Variants in ATP9B observed in about 807,000 individuals in gnomAD.
ATP9B encodes the protein probable phospholipid-transporting ATPase IIB.
A neutral mutation model predicts 146.1 loss-of-function variants in ATP9B; 110 were observed. The ratio of observed to expected loss-of-function variants is 0.75; its 90% CI spans 0.65 to 0.88. The LOEUF (loss-of-function observed/expected upper bound fraction) is 0.88, where lower values mean the gene tolerates loss of function less well. ATP9B is among the 40% of genes least tolerant of loss of function. ATP9B has a pLI of 0.00. For synonymous variants in ATP9B, 604 were observed against 569.7 expected (o/e 1.06, Z -0.86); for missense variants, 1,499 against 1,496.4 (o/e 1.00, Z -0.03).
chr18:79,178,412 T>G (rs12327004), intron 8 of ATP9B, among the ~76,000 whole-genome samples: 4,534 of 152,224 alleles, frequency 0.03, 237 homozygotes, highest in African/African-American at 0.1. Context: ...TTTTGTGTGC[T>G]TGTTTGCCAT....
chr18:79,242,978 T>C (rs773407069), intron 11 of ATP9B, among the ~76,000 whole-genome samples: 20 of 152,246 alleles, frequency 1.3e-4, no homozygotes, highest in Non-Finnish European at 2.4e-4. Context: ...CAGTTCATTT[T>C]CCTTACAAAA....
At chr18:79,344,859 T>C (rs2096877670) in intron 21 of ATP9B, among the ~76,000 whole-genome samples, 1 of 152,236 alleles carries the variant, frequency 6.6e-6, no homozygotes, top group African/African-American at 2.4e-5. Context: ...TTGCATCCGC[T>C]GGAGCAGGAA....
intron 19 of ATP9B, among the ~76,000 whole-genome samples, chr18:79,339,289 T>C (rs74887701): frequency 0.026 from 163 of 6,348 alleles, no homozygotes; most frequent in South Asian, 0.072. Context: ...GTCATGATCG[T>C]AGTAGGAAGT....
intron 9 of ATP9B, among the ~76,000 whole-genome samples, chr18:79,203,712 G>A (rs1396566495): frequency 2.6e-5 from 4 of 152,144 alleles, no homozygotes; most frequent in Non-Finnish European, 5.9e-5. Flanking sequence ...GATAAATAGG[G>A]AATTCAGTAT....
rs757998888 is a variant in ATP9B, at chr18:79,345,857, T to C, written c.2682+18T>C. On this transcript the variant is annotated intron_variant, in intron 23 of 29. Transcript: ENST00000426216. Reference sequence around the variant, plus strand: ...AGGGAAAGGTAGGTTCGCCCTTTTATCAACACATTAGCACACAGTCAGCAC... The same window carrying C: ...AGGGAAAGGTAGGTTCGCCCTTTTACCAACACATTAGCACACAGTCAGCAC... 15 of 1,613,922 alleles carry C rather than the reference T, an allele frequency of 9.3e-6. No individual in the cohort carries two copies. Among genetic ancestry groups the C allele is most frequent in the Non-Finnish European group, 1.2e-5 (14 of 1,179,932 alleles).
At chr18:79,331,623 G>T (rs2096790448) in intron 17 of ATP9B, among the ~76,000 whole-genome samples, 1 of 151,964 alleles carries the variant, frequency 6.6e-6, no homozygotes, top group African/African-American at 2.4e-5. Context: ...ACGAAATGAG[G>T]CAGCAGATTC....
intron 10 of ATP9B, among the ~76,000 whole-genome samples, chr18:79,208,372 G>A (rs1489182716): frequency 6.6e-6 from 1 of 152,214 alleles, no homozygotes; most frequent in East Asian, 1.9e-4. Flanking sequence ...AACAGTGTGA[G>A]GAGCATTCCT....
At chr18:79,139,160 TCTTA>T (rs2094483927) in intron 5 of ATP9B, among the ~76,000 whole-genome samples, 1 of 152,260 alleles carries the variant, frequency 6.6e-6, no homozygotes, top group South Asian at 2.1e-4. Context: ...GTTTAGTAGG[TCTTA>T]CTTTGCTATG....
At chr18:79,267,240 A>G (rs2096212584) in intron 12 of ATP9B, among the ~76,000 whole-genome samples, 1 of 152,070 alleles carries the variant, frequency 6.6e-6, no homozygotes, top group Admixed American at 6.5e-5. Context: ...CCTGACATAC[A>G]TAGGATCTGT....
At chr18:79,177,027 C>G in intron 8 of ATP9B, 120 bp downstream of exon 8, 1 of 798,352 alleles carries the variant, frequency 1.3e-6, no homozygotes, top group Non-Finnish European at 1.9e-6. Flanking sequence ...TTTATAATTT[C>G]TTTATTCCTC....
intron 11 of ATP9B, among the ~76,000 whole-genome samples, chr18:79,238,266 T>C (rs964864786): frequency 6.6e-6 from 1 of 151,602 alleles, no homozygotes; most frequent in Non-Finnish European, 1.5e-5. Flanking sequence ...AATGAGAACA[T>C]TGGCAACTAA....
intron 6 of ATP9B, among the ~76,000 whole-genome samples, chr18:79,151,412 T>C (rs540714782): frequency 3.9e-5 from 6 of 152,334 alleles, no homozygotes; most frequent in East Asian, 1.9e-4. Context: ...TTGGGTGTTA[T>C]ATAGTGTGGT....
At chr18:79,190,957 A>G (rs1479389430) in intron 8 of ATP9B, among the ~76,000 whole-genome samples, 1 of 152,164 alleles carries the variant, frequency 6.6e-6, no homozygotes, top group East Asian at 1.9e-4. Context: ...CTTCTTGAAG[A>G]TATGAGTTTC....
intron 11 of ATP9B, among the ~76,000 whole-genome samples, chr18:79,240,934 T>A (rs2095881812): frequency 6.6e-6 from 1 of 152,188 alleles, no homozygotes; most frequent in South Asian, 2.1e-4. Context: ...CTGTGTGTTC[T>A]TGACCAAACA....
chr18:79,320,704 C>G (rs185468197), intron 15 of ATP9B, among the ~76,000 whole-genome samples: 8 of 152,256 alleles, frequency 5.3e-5, no homozygotes, highest in South Asian at 2.1e-4. Flanking sequence ...CTCCCACCCC[C>G]CTCCAGCCCT....
intron 15 of ATP9B, among the ~76,000 whole-genome samples, chr18:79,320,666 G>C (rs1216952229): frequency 1.3e-5 from 2 of 152,146 alleles, no homozygotes; most frequent in African/African-American, 4.8e-5. Flanking sequence ...TCTGCATATG[G>C]ACCATCTGGT....
At chr18:79,144,949 G>T in intron 6 of ATP9B, 1 of 218,266 alleles carries the variant, frequency 4.6e-6, no homozygotes, top group South Asian at 6.1e-5. Context: ...GAAGCTATAA[G>T]AAAAACATCA....
At chr18:79,136,190 T>C (rs1473901191) in intron 5 of ATP9B, among the ~76,000 whole-genome samples, 1 of 152,248 alleles carries the variant, frequency 6.6e-6, no homozygotes, top group East Asian at 1.9e-4. Context: ...GGCTTACCAA[T>C]TTCTACAAAA....
At chr18:79,333,402 A>G (rs1341281595) in intron 17 of ATP9B, among the ~76,000 whole-genome samples, 1 of 152,254 alleles carries the variant, frequency 6.6e-6, no homozygotes, top group African/African-American at 2.4e-5. Context: ...AGTGTTCAGC[A>G]CAACATTGCA....
Sources: gnomAD v4.1 joint callset for allele counts (sites outside exome capture counted in the v4.1 genomes callset) on GRCh38, gnomAD v4.1.1 for gene constraint, MANE v1.5 for transcripts, NCBI Gene and HGNC (gene_info 2026-07-23, HGNC 2026-07-21) for gene names.